The following PAAF1 variants were observed in gnomAD, a reference collection of about 807,000 sequenced individuals.
PAAF1 encodes the protein proteasomal ATPase associated factor 1.
Under a neutral mutation model 52.8 loss-of-function variants are expected in PAAF1, and 46 were observed. The ratio of observed to expected loss-of-function variants is 0.87; its 90% confidence interval spans 0.69 to 1.11. The LOEUF (loss-of-function observed/expected upper bound fraction) is 1.11. PAAF1 is among the 50% of genes most tolerant of loss of function. PAAF1 has a pLI of 0.00. For synonymous variants in PAAF1, 178 were observed against 172.8 expected (o/e 1.03, Z -0.24); for missense variants, 424 against 477.4 (o/e 0.89, Z 1.04).
intron 4 of PAAF1, among the ~76,000 whole-genome samples, chr11:73,896,953 A>C (rs1949394946): frequency 1.5e-5 from 2 of 133,384 alleles, no homozygotes; most frequent in African/African-American, 5.9e-5. Flanking sequence ...TCCCTCCCCG[A>C]CGGGGCGGCT....
At chr11:73,922,836 G>C (rs867037556) in intron 10 of PAAF1, among the ~76,000 whole-genome samples, 1 of 132,854 alleles carries the variant, frequency 7.5e-6, no homozygotes, top group African/African-American at 2.9e-5. Flanking sequence ...AAAAAAAAAA[G>C]AAGTTGGATA....
At chr11:73,901,238 C>T (rs1001257214) in intron 6 of PAAF1, among the ~76,000 whole-genome samples, 1 of 151,904 alleles carries the variant, frequency 6.6e-6, no homozygotes, top group African/African-American at 2.4e-5. Flanking sequence ...AATTACAGTT[C>T]GTGTTTTAAA....
intron 6 of PAAF1, among the ~76,000 whole-genome samples, chr11:73,902,706 A>T (rs190055371): frequency 4.4e-4 from 67 of 151,446 alleles, no homozygotes; most frequent in South Asian, 8.4e-4. Context: ...ATTTATTATT[A>T]TTTTTTTTGA....
At chr11:73,900,196 C>A in intron 5 of PAAF1, 74 bp from the exon 6 acceptor site, 2 of 1,464,160 alleles carry the variant, frequency 1.4e-6, no homozygotes, top group Non-Finnish European at 1.8e-6. Context: ...TATAAGGGAC[C>A]AGAGTATGGG....
intron 4 of PAAF1, among the ~76,000 whole-genome samples, chr11:73,894,145 G>A (rs1039456055): frequency 6.6e-6 from 1 of 152,138 alleles, no homozygotes; most frequent in African/African-American, 2.4e-5. Context: ...AACTGAGGGA[G>A]AAGGCAATTC....
intron 10 of PAAF1, among the ~76,000 whole-genome samples, chr11:73,923,730 A>G (rs1950286489): frequency 6.6e-6 from 1 of 151,994 alleles, no homozygotes; most frequent in Admixed American, 6.6e-5. Context: ...CTACTTTTAT[A>G]TTAACAAAAA....
At chr11:73,890,971 T>TGG in intron 3 of PAAF1, 141 bp from the exon 4 acceptor site, 1 of 586,610 alleles carries the variant, frequency 1.7e-6, no homozygotes, top group African/African-American at 1.9e-5. Flanking sequence ...GATAGTTTTG[T>TGG]GGGGTGGGAA....
intron 10 of PAAF1, chr11:73,921,735 C>A: frequency 8.7e-7 from 1 of 1,143,964 alleles, no homozygotes; most frequent in Non-Finnish European, 1.3e-6. Context: ...GTTTATCATT[C>A]TGAGGGTCGA....
At chr11:73,922,122 A>G (rs1303395212) in intron 10 of PAAF1, 2 of 913,414 alleles carry the variant, frequency 2.2e-6, no homozygotes, top group Non-Finnish European at 3.5e-6. Flanking sequence ...TTGACTTCTG[A>G]TAGGTAACAG....
chr11:73,883,775 C>G (rs138138027), intron 2 of PAAF1, among the ~76,000 whole-genome samples: 81 of 152,256 alleles, frequency 5.3e-4, no homozygotes, highest in African/African-American at 1.8e-3. Context: ...CCCACCTCGG[C>G]CTCCCAAAGT....
intron 6 of PAAF1, among the ~76,000 whole-genome samples, chr11:73,903,978 G>A (rs1296500116): frequency 1.3e-5 from 2 of 151,412 alleles, no homozygotes; most frequent in African/African-American, 2.4e-5. Flanking sequence ...CAGCTACTTG[G>A]AAAGCTGAGG....
chr11:73,904,902 A>T (rs749775025), intron 6 of PAAF1, among the ~76,000 whole-genome samples: 6 of 152,092 alleles, frequency 3.9e-5, no homozygotes, highest in Non-Finnish European at 8.8e-5. Flanking sequence ...TTGAAGGCAA[A>T]TGCTTTTGTG....
upstream of PAAF1, chr11:73,876,870 C>G (rs1482943625): frequency 2.7e-6 from 2 of 732,568 alleles, no homozygotes; most frequent in East Asian, 3.3e-5. Context: ...TCGTGGGGAG[C>G]GTGCACACGG....
rs531160652 is a variant in PAAF1 at position 73,920,956 on chromosome 11, C to T, written c.1018+1924C>T. Among the ~76,000 whole-genome samples the T allele has an allele frequency of 2.0e-5, 3 of 152,222 alleles. No individual in the cohort carries two copies. In the East Asian group the frequency reaches 5.8e-4, roughly 29 times the overall value. On this transcript the variant is annotated intron_variant, in intron 10 of 11. Transcript: ENST00000310571. ...CCAAGGCGGATAGATCACCTGAGGCCTTGATATTTCTCGCCTCCTCTGTCC... is the reference window on the plus strand; with the variant it reads ...CCAAGGCGGATAGATCACCTGAGGCTTTGATATTTCTCGCCTCCTCTGTCC...
At chr11:73,926,222 T>C (rs1488418925) in intron 11 of PAAF1, among the ~76,000 whole-genome samples, 1 of 152,092 alleles carries the variant, frequency 6.6e-6, no homozygotes, top group Non-Finnish European at 1.5e-5. Flanking sequence ...TTCTCCTGCC[T>C]CAGCCTCTCG....
chr11:73,914,770 T>A (rs893649776), intron 8 of PAAF1, among the ~76,000 whole-genome samples: 1 of 149,500 alleles, frequency 6.7e-6, no homozygotes, highest in Non-Finnish European at 1.5e-5. Context: ...TGGCGCAATC[T>A]CGGTTCAGCT....
In PAAF1 at chr11:73,916,029, T is replaced by A. The variant is rs375723537; in HGVS notation, c.820-516T>A. ...GTATGTTTGGGGAAGACATGATCAG[T>A]TTGAGCTAACAGTAAGGAGAAAATA... is the stretch of plus-strand genomic sequence containing the variant. On this transcript the variant is annotated intron_variant, in intron 8 of 11. Transcript: ENST00000310571. Among the ~76,000 whole-genome samples the A allele has an allele frequency of 9.8e-4, 150 of 152,328 alleles. 2 individuals are homozygous for A. In the South Asian group the frequency reaches 0.029, roughly 30 times the overall value.
chr11:73,889,746 G>A (rs1223358837), intron 3 of PAAF1, among the ~76,000 whole-genome samples: 4 of 152,200 alleles, frequency 2.6e-5, no homozygotes, highest in African/African-American at 7.2e-5. Context: ...TTTAGCTGAC[G>A]CTTTAGTTTC....
At chr11:73,922,730 T>C (rs980225027) in intron 10 of PAAF1, among the ~76,000 whole-genome samples, 2 of 146,524 alleles carry the variant, frequency 1.4e-5, no homozygotes, top group South Asian at 4.3e-4. Context: ...GGCAGGAGAA[T>C]GGCGTGAACC....
Sources: allele counts gnomAD v4.1 joint callset (sites outside exome capture counted in the v4.1 genomes callset), GRCh38; gene constraint gnomAD v4.1.1; transcripts MANE v1.5; gene names NCBI Gene and HGNC (gene_info 2026-07-23, HGNC 2026-07-21).